The following SMARCC2 variants were observed in gnomAD, a reference collection of about 807,000 sequenced individuals.
The protein encoded by SMARCC2 is SWI/SNF related BAF chromatin remodeling complex subunit C2, also known as SWI/SNF complex subunit SMARCC2.
A neutral mutation model predicts 151.3 loss-of-function variants in SMARCC2; 15 were observed. The observed-to-expected ratio is 0.10, with a 90% CI of 0.07 to 0.15. SMARCC2 has a LOEUF of 0.15. Among genes scored for constraint, SMARCC2 ranks in the 10% least tolerant of loss-of-function variants. SMARCC2 has a pLI of 1.00. For missense variants in SMARCC2, 1,031 were observed against 1,599.7 expected, an observed-to-expected ratio of 0.64 and a Z score of 6.06; for synonymous variants, 590 against 609.5, an observed-to-expected ratio of 0.97 and a Z score of 0.47.
Position 56,165,534 on chromosome 12 carries a change from T to A in SMARCC2, c.3016A>T (p.Thr1006Ser). 1.2e-6 allele frequency: 2 copies of A among 1,610,442 alleles called. No individual in the cohort carries two copies. Among genetic ancestry groups the A allele is most frequent in the Non-Finnish European group, 1.7e-6 (2 of 1,178,440 alleles). Residue 1006 changes from threonine (T) to serine (S), a missense_variant, in exon 27 of 29, where the codon ACA becomes TCA. Thr to Ser is a moderately conservative substitution (Grantham distance 58). Transcript: ENST00000550164. ...ACTGCGGGTGGCCCAGCAGCCCCTGTTGGGGGGATAGGCTGGGAGCCTGGG... is the reference window on the plus strand; with the variant it reads ...ACTGCGGGTGGCCCAGCAGCCCCTGATGGGGGGATAGGCTGGGAGCCTGGG... Reference protein sequence around the residue: ...LPPGSQPIPPTGAAGPPAVHG... With the variant: ...LPPGSQPIPPSGAAGPPAVHG...
chr12:56,187,160 C>G (rs759919932), intron 2 of SMARCC2, 27 bp downstream of exon 2: 1 of 1,595,526 alleles, frequency 6.3e-7, no homozygotes, highest in Non-Finnish European at 8.6e-7. Context: ...CACCACCCCC[C>G]ACCCTCCCTG....
rs1873998313 is a variant in SMARCC2 at position 56,171,763 on chromosome 12, C to T, written c.2101G>A (p.Gly701Ser). 6.2e-7 allele frequency: 1 copy of T among 1,612,176 alleles called. No homozygotes were observed. Among genetic ancestry groups the T allele is most frequent in the African/African-American group, 1.3e-5 (1 of 74,846 alleles). The change falls in exon 21 of 29, where the codon GGC (glycine) becomes AGC (serine). Residue 701 changes from glycine to serine, a missense_variant. Around this residue, in one of 12 missense-constraint regions of SMARCC2, gnomAD observed 51 missense variants for 137.9 expected, o/e 0.37. Transcript: ENST00000550164. The surrounding 1 kb of genome is among the most constrained non-coding windows in gnomAD (Gnocchi z 4.2). ...AYQPIPFSQSGNPVMSTVAFL... is the reference protein window; with the variant it reads ...AYQPIPFSQSSNPVMSTVAFL... The stretch of plus-strand genomic sequence containing the variant: ...GCAACAGTGCTCATAACAGGGTTGC[C>T]CGACTGACTGAAGGGGATGGGTTGG...
In SMARCC2 at chr12:56,171,094, AG is replaced by A. The variant is rs1873865766; in HGVS notation, c.2347+176del. Among the ~76,000 whole-genome samples the A allele has an allele frequency of 1.3e-5, 2 of 152,190 alleles. No individual in the cohort carries two copies. The highest frequency in any genetic ancestry group is 4.8e-5 in the African/African-American group (2 of 41,442). ...GATTTTTCTACCCAAAATCTTCATG[AG>A]AGGACTAGTAGGGCTCCAGAGCCCC... On this transcript the variant is annotated intron_variant, in intron 22 of 28. Coordinates refer to ENST00000550164, the MANE Select transcript of SMARCC2 (RefSeq NM_001330288.2). This position sits in a 1 kb window ranked among gnomAD's most constrained non-coding sequence, Gnocchi z 4.2.
intron 15 of SMARCC2, among the ~76,000 whole-genome samples, chr12:56,176,898 T>G (rs974737366): frequency 2.0e-5 from 3 of 152,056 alleles, no homozygotes; most frequent in Non-Finnish European, 4.4e-5. Flanking sequence ...CTCGGCTCAC[T>G]GCAACCTCCG....
intron 19 of SMARCC2, 26 bp downstream of exon 19, chr12:56,172,559 C>T (rs1874152092): frequency 6.2e-7 from 1 of 1,613,974 alleles, no homozygotes. Flanking sequence ...CATTCTCTAC[C>T]CCTAGAGTCG....
At position 56,180,988 on chromosome 12, in the gene SMARCC2, A is replaced by G. The variant is rs1565916373; in HGVS notation, c.1070T>C (p.Leu357Pro). Reference sequence around the variant, plus strand: ...AGCCTGGCCTGTACCTGTTTTGGGAAGTGTCACCTCTTCTACATTGGGGAC... The same window carrying G: ...AGCCTGGCCTGTACCTGTTTTGGGAGGTGTCACCTCTTCTACATTGGGGAC... ...SPVPNVEEVT[L>P]PKTVNTKKDS... Residue 357 changes from leucine (L) to proline (P), a missense_variant, in exon 11 of 29, where the codon CTT (leucine) becomes CCT (proline). Transcript: ENST00000550164. The G allele has an allele frequency of 6.2e-7, 1 of 1,612,866 alleles. No individual in the cohort carries two copies. The highest frequency in any genetic ancestry group is 8.5e-7 in the Non-Finnish European group (1 of 1,179,286).
In SMARCC2 at chr12:56,169,565, A is replaced by G. The variant is rs994424259; in HGVS notation, c.2679T>C (p.Ala893=). ...DIGEGNLSTA[A]AAALAAAAVK... Reference sequence around the variant, plus strand: ...CTGCGGCGGCGGCCAGGGCGGCGGCAGCAGCGGTGGAGAGGTTGCCCTCGC... The same window carrying G: ...CTGCGGCGGCGGCCAGGGCGGCGGCGGCAGCGGTGGAGAGGTTGCCCTCGC... The change falls in exon 25 of 29, where the codon GCT becomes GCC. Residue 893 remains alanine (A), a synonymous_variant. Transcript: ENST00000550164. 1.7e-5 allele frequency: 27 copies of G among 1,614,100 alleles called. No individual in the cohort carries two copies. Among genetic ancestry groups the G allele is most frequent in the African/African-American group, 6.7e-5 (5 of 74,934 alleles).
intron 1 of SMARCC2, 36 bp from the exon 2 acceptor site, chr12:56,187,342 C>G: frequency 6.2e-7 from 1 of 1,600,668 alleles, no homozygotes; most frequent in Non-Finnish European, 8.6e-7. Flanking sequence ...AAAAATAGAT[C>G]TCAGATAAAT....
intron 26 of SMARCC2, 66 bp downstream of exon 26, chr12:56,167,993 CA>C: frequency 2.6e-5 from 39 of 1,527,022 alleles, no homozygotes; most frequent in African/African-American, 8.4e-5. Flanking sequence ...CACACACACA[CA>C]CACACGCCCC....
At chr12:56,185,640 G>A (rs779831622) in intron 3 of SMARCC2, 11 of 166,082 alleles carry the variant, frequency 6.6e-5, no homozygotes, top group African/African-American at 1.2e-4. Flanking sequence ...CACCATGCCC[G>A]GCTAATTTTT....
chr12:56,184,861 T>C lies in SMARCC2; in HGVS notation c.475A>G (p.Ile159Val), dbSNP rs368754543. Residue 159 changes from isoleucine (I) to valine (V), a missense_variant, in exon 5 of 29, where the codon ATT becomes GTT. Around this residue, in one of 12 missense-constraint regions of SMARCC2, gnomAD observed 123 missense variants for 190.4 expected, o/e 0.65. Transcript: ENST00000550164. ...CCATTTACCTGGTGTCTCTTGATAA[T>C]GTCCTTTAATTTCCCTAGTAGTTTG... ...EPKLLGKLKD[I>V]IKRHQGTVTE... The C allele has an allele frequency of 2.1e-5, 33 of 1,607,506 alleles. No homozygotes were observed. The highest frequency in any genetic ancestry group is 2.8e-5 in the Non-Finnish European group (33 of 1,174,000).
chr12:56,183,783 C>T, intron 7 of SMARCC2, 78 bp downstream of exon 7: 1 of 883,398 alleles, frequency 1.1e-6, no homozygotes. Context: ...GAAAGAGTGG[C>T]CTCTTGCTCT....
intron 7 of SMARCC2, 135 bp from the exon 8 acceptor site, chr12:56,182,214 T>C: frequency 1.7e-6 from 1 of 589,188 alleles, no homozygotes; most frequent in Non-Finnish European, 3.0e-6. Context: ...CTATTCATTA[T>C]AAAGTAGTAA....
intron 26 of SMARCC2, 27 bp from the exon 27 acceptor site, chr12:56,165,726 T>A: frequency 6.2e-7 from 1 of 1,601,880 alleles, no homozygotes; most frequent in Non-Finnish European, 8.5e-7. Context: ...AGTATTGTTA[T>A]CCAATTTTCA....
chr12:56,172,072 G>C, intron 20 of SMARCC2, 135 bp from the exon 21 acceptor site: 2 of 740,820 alleles, frequency 2.7e-6, no homozygotes, highest in Non-Finnish European at 4.4e-6. Flanking sequence ...CTAGGTCCAA[G>C]GGGGATCTTG....
chr12:56,172,857 C>T, intron 18 of SMARCC2, 80 bp downstream of exon 18: 1 of 1,575,572 alleles, frequency 6.3e-7, no homozygotes, highest in South Asian at 1.1e-5. Context: ...TTCCTCTGCT[C>T]TCATGTCTCT....
At chr12:56,174,256 C>T (rs971050953) in intron 16 of SMARCC2, among the ~76,000 whole-genome samples, 1 of 152,126 alleles carries the variant, frequency 6.6e-6, no homozygotes, top group African/African-American at 2.4e-5. Context: ...ACCACAGGCA[C>T]GTGCCACCAT....
chr12:56,180,330 C>T (rs760426295), intron 11 of SMARCC2, among the ~76,000 whole-genome samples: 63 of 148,532 alleles, frequency 4.2e-4, no homozygotes, highest in Non-Finnish European at 7.3e-4. Context: ...AGGATGGTCT[C>T]GATCTCCTGA....
chr12:56,184,852 T>A lies in SMARCC2; in HGVS notation c.484A>T (p.Arg162Ter), dbSNP rs1470372066. 6.2e-7 allele frequency: 1 copy of A among 1,601,060 alleles called. No individual in the cohort carries two copies. Among genetic ancestry groups the A allele is most frequent in the Non-Finnish European group, 8.6e-7 (1 of 1,168,248 alleles). ...LLGKLKDIIK[R>*]HQGTVTEDKN... is the part of the protein sequence containing the mutation. ...CTCACCAGACCATTTACCTGGTGTCTCTTGATAATGTCCTTTAATTTCCCT... is the reference window on the plus strand; with the variant it reads ...CTCACCAGACCATTTACCTGGTGTCACTTGATAATGTCCTTTAATTTCCCT... The change falls in exon 5 of 29, where the codon AGA becomes TGA. Residue 162 changes from arginine to a stop codon, truncating the protein, a stop_gained. Coordinates refer to ENST00000550164, the MANE Select transcript of SMARCC2 (RefSeq NM_001330288.2). LOFTEE classifies it high-confidence loss of function.
Sources: allele counts gnomAD v4.1 joint callset (sites outside exome capture counted in the v4.1 genomes callset), GRCh38; gene constraint gnomAD v4.1.1; regional missense constraint gnomAD v4.1.1; non-coding constraint Gnocchi (gnomAD v3.1); transcripts MANE v1.5; gene names NCBI Gene and HGNC (gene_info 2026-07-23, HGNC 2026-07-21).